Variants in CACNA2D1 observed in about 807,000 individuals in gnomAD.
CACNA2D1 encodes calcium voltage-gated channel auxiliary subunit alpha2delta 1.
In CACNA2D1, 53 loss-of-function variants were observed where a neutral mutation model predicts 171.5. That is an observed-to-expected ratio of 0.31 (90% CI 0.25 to 0.39). The LOEUF is 0.39. Among genes scored for constraint, CACNA2D1 ranks in the 10% least tolerant of loss-of-function variants. The pLI, the probability that CACNA2D1 is intolerant of heterozygous loss-of-function variation, is 1.00. For synonymous variants in CACNA2D1, 442 were observed against 443.1 expected, an observed-to-expected ratio of 1.00 and a Z score of 0.03; for missense variants, 903 against 1,299.8, an observed-to-expected ratio of 0.69 and a Z score of 4.69.
intron 1 of CACNA2D1, among the ~76,000 whole-genome samples, chr7:82,399,705 AC>A (rs961862884): frequency 1.1e-3 from 23 of 20,088 alleles, no homozygotes; most frequent in Non-Finnish European, 8.2e-4. Context: ...CCCAGCCCCC[AC>A]CCCCACCCCA....
chr7:82,174,974 G>A (rs551310759), intron 3 of CACNA2D1, among the ~76,000 whole-genome samples: 1 of 151,948 alleles, frequency 6.6e-6, no homozygotes, highest in Non-Finnish European at 1.5e-5. Flanking sequence ...ATTCTGTCAG[G>A]TGATATAAAC....
At chr7:82,062,171 T>A (rs888944582) in intron 9 of CACNA2D1, among the ~76,000 whole-genome samples, 9 of 152,184 alleles carry the variant, frequency 5.9e-5, no homozygotes, top group African/African-American at 1.4e-4. Context: ...CCCAAAGTTA[T>A]CTTGGCCCAC....
chr7:82,221,107 G>C (rs968226460), intron 3 of CACNA2D1, among the ~76,000 whole-genome samples: 2 of 152,092 alleles, frequency 1.3e-5, no homozygotes, highest in Non-Finnish European at 2.9e-5. Flanking sequence ...TTAAGGTTTT[G>C]TGCAATGTGG....
chr7:82,254,015 C>T (rs1805978907), intron 3 of CACNA2D1, among the ~76,000 whole-genome samples: 1 of 152,106 alleles, frequency 6.6e-6, no homozygotes, highest in Non-Finnish European at 1.5e-5. Context: ...CAATAGATTA[C>T]TCATCTAATC....
intron 15 of CACNA2D1, among the ~76,000 whole-genome samples, chr7:82,009,682 T>TA (rs1799536034): frequency 6.6e-6 from 1 of 152,108 alleles, no homozygotes; most frequent in South Asian, 2.1e-4. Context: ...TAAAGTGAGT[T>TA]ACTAGATTAC....
chr7:82,393,823 T>C (rs908783785), intron 1 of CACNA2D1, among the ~76,000 whole-genome samples: 2 of 152,212 alleles, frequency 1.3e-5, no homozygotes, highest in African/African-American at 4.8e-5. Flanking sequence ...AATAATAACA[T>C]TTGAGTTACT....
chr7:81,978,801 C>T (rs940056876), intron 24 of CACNA2D1, among the ~76,000 whole-genome samples: 6 of 141,592 alleles, frequency 4.2e-5, no homozygotes, highest in East Asian at 2.1e-4. Flanking sequence ...CAAAACAGCA[C>T]ATATATATAT....
intron 6 of CACNA2D1, among the ~76,000 whole-genome samples, chr7:82,091,951 A>G (rs942537851): frequency 2.6e-5 from 4 of 152,258 alleles, no homozygotes; most frequent in Admixed American, 6.5e-5. Context: ...TGAAGGTCAA[A>G]TAAATTTATG....
chr7:82,259,772 G>C (rs1321984090), intron 3 of CACNA2D1, among the ~76,000 whole-genome samples: 1 of 152,098 alleles, frequency 6.6e-6, no homozygotes, highest in East Asian at 1.9e-4. Flanking sequence ...GAGCCCTATT[G>C]GTTAGGTTTG....
At chr7:82,259,506 C>T (rs1267638747) in intron 3 of CACNA2D1, among the ~76,000 whole-genome samples, 1 of 152,150 alleles carries the variant, frequency 6.6e-6, no homozygotes, top group Non-Finnish European at 1.5e-5. Flanking sequence ...TATGGTAACA[C>T]ATTTGAGTTA....
chr7:82,406,295 A>T (rs1015858472), intron 1 of CACNA2D1, among the ~76,000 whole-genome samples: 5 of 152,152 alleles, frequency 3.3e-5, no homozygotes, highest in East Asian at 1.9e-4. Flanking sequence ...TCTATCACTG[A>T]TGGACATTTG....
chr7:82,229,012 A>G (rs765342418), intron 3 of CACNA2D1, among the ~76,000 whole-genome samples: 37 of 152,150 alleles, frequency 2.4e-4, no homozygotes, highest in Non-Finnish European at 1.0e-4. Flanking sequence ...TGTCACAGAA[A>G]ATCTTGGCTT....
chr7:82,233,583 G>T (rs527792173), intron 3 of CACNA2D1, among the ~76,000 whole-genome samples: 1 of 151,962 alleles, frequency 6.6e-6, no homozygotes, highest in African/African-American at 2.4e-5. Flanking sequence ...ATGAGATCAA[G>T]TGAAGTACAC....
chr7:82,235,483 T>A (rs568850197), intron 3 of CACNA2D1, among the ~76,000 whole-genome samples: 1 of 152,130 alleles, frequency 6.6e-6, no homozygotes, highest in Non-Finnish European at 1.5e-5. Flanking sequence ...TATCCAATGA[T>A]CCTTTTAAAT....
intron 3 of CACNA2D1, among the ~76,000 whole-genome samples, chr7:82,311,340 G>A (rs774422720): frequency 2.0e-5 from 3 of 151,320 alleles, no homozygotes; most frequent in Non-Finnish European, 2.9e-5. Flanking sequence ...AATGCACTAG[G>A]TAAGAATTTC....
intron 1 of CACNA2D1, among the ~76,000 whole-genome samples, chr7:82,396,312 C>T (rs1003361179): frequency 6.6e-6 from 1 of 152,022 alleles, no homozygotes; most frequent in African/African-American, 2.4e-5. Flanking sequence ...AGCGAGACCC[C>T]ATCTCTATAA....
At chr7:82,328,673 A>G (rs551959091) in intron 3 of CACNA2D1, among the ~76,000 whole-genome samples, 3 of 152,204 alleles carry the variant, frequency 2.0e-5, no homozygotes, top group South Asian at 2.1e-4. Context: ...TTTTCTAGCT[A>G]TAAGCATGCT....
chr7:82,182,069 A>G (rs1281281562), intron 3 of CACNA2D1, among the ~76,000 whole-genome samples: 1 of 152,044 alleles, frequency 6.6e-6, no homozygotes, highest in Non-Finnish European at 1.5e-5. Context: ...AGTCTTTATA[A>G]TTCTCCTTTC....
At chr7:82,124,288 A>C (rs73155518) in intron 5 of CACNA2D1, among the ~76,000 whole-genome samples, 3,068 of 152,210 alleles carry the variant, frequency 0.02, 57 homozygotes, top group Non-Finnish European at 0.031. Context: ...CCAAGTAACA[A>C]AAGGATCACA....
Sources: allele counts gnomAD v4.1 joint callset (sites outside exome capture counted in the v4.1 genomes callset), GRCh38; gene constraint gnomAD v4.1.1; transcripts MANE v1.5; gene names NCBI Gene and HGNC (gene_info 2026-07-23, HGNC 2026-07-21).